Variants in NUP50 observed in about 807,000 individuals in gnomAD.
The protein encoded by NUP50 is nucleoporin 50, also known as nuclear pore complex protein Nup50.
A neutral mutation model predicts 36.8 loss-of-function variants in NUP50; 14 were observed. The ratio of observed to expected loss-of-function variants is 0.38; its 90% confidence interval spans 0.25 to 0.59. The LOEUF is 0.59. Among genes scored for constraint, NUP50 ranks in the 20% least tolerant of loss-of-function variants. The pLI is 0.63. For synonymous variants in NUP50, 195 were observed against 210.8 expected (o/e 0.93, Z 0.65); for missense variants, 455 against 564.6 (o/e 0.81, Z 1.97).
chr22:45,175,452 G>C (rs1207932791), intron 3 of NUP50, among the ~76,000 whole-genome samples: 2 of 152,086 alleles, frequency 1.3e-5, no homozygotes, highest in Non-Finnish European at 2.9e-5. Flanking sequence ...TTAGGCAAAT[G>C]GATATTTTTA....
chr22:45,184,445 G>A lies in NUP50; in HGVS notation c.1205-8G>A, dbSNP rs2074435527. 2 of 1,613,628 alleles carry A rather than the reference G, an allele frequency of 1.2e-6. No homozygotes were observed. The highest frequency in any genetic ancestry group is 2.7e-5 in the African/African-American group (2 of 75,026). On this transcript the variant is annotated splice_polypyrimidine_tract_variant and splice_region_variant and intron_variant, in intron 7 of 7. Coordinates refer to ENST00000347635, the MANE Select transcript of NUP50 (RefSeq NM_007172.4). ...TAATTTTGATGGGTTTTGTTTGTTT[G>A]AATGCAGGCAACATATTGCTGAACG...
At chr22:45,184,104 G>A (rs983611195) in intron 7 of NUP50, 8 of 279,254 alleles carry the variant, frequency 2.9e-5, no homozygotes, top group East Asian at 1.7e-4. Context: ...TCCGTGTGGC[G>A]CAGTGAAGAC....
At chr22:45,165,586 C>G (rs534081492) in intron 1 of NUP50, among the ~76,000 whole-genome samples, 2 of 152,098 alleles carry the variant, frequency 1.3e-5, no homozygotes, top group Admixed American at 1.3e-4. Flanking sequence ...TTTCTCCCCC[C>G]CACTTCTAGC....
rs1482879150 is a variant in NUP50 at position 45,186,444 on chromosome 22, A to G, written c.*1789A>G. On this transcript the variant is annotated 3_prime_UTR_variant, in exon 8 of 8. Coordinates refer to ENST00000347635, the MANE Select transcript of NUP50 (RefSeq NM_007172.4). ...AAAAAGATGAAGAACTAAGGGGAACAAATTTAAGTTTGTTGCAACTTAGCC... is the reference window on the plus strand; with the variant it reads ...AAAAAGATGAAGAACTAAGGGGAACGAATTTAAGTTTGTTGCAACTTAGCC... 6.6e-6 allele frequency: 1 copy of G among 152,234 alleles called. No homozygotes were observed. Among genetic ancestry groups the G allele is most frequent in the Non-Finnish European group, 1.5e-5 (1 of 68,048 alleles). 9.4% of individuals were successfully genotyped at this position (152,234 alleles called of 1,614,324 possible).
In NUP50 at chr22:45,181,293, T is replaced by A. The variant is rs763779974; in HGVS notation, c.1011T>A (p.Asp337Glu). The A allele has an allele frequency of 1.9e-6, 3 of 1,590,410 alleles. No individual in the cohort carries two copies. Among genetic ancestry groups the A allele is most frequent in the Admixed American group, 3.7e-5 (2 of 53,368 alleles). ...TTGTCATTTTTATAAAAGGTGGAGA[T>A]GAAGAAGAGAATGATGAGCCACCCA... ...EGDSGECKGG[D>E]EEENDEPPKV... Residue 337 changes from aspartate (D) to glutamate (E), a missense_variant, in exon 6 of 8, where the codon GAT (aspartate) becomes GAA (glutamate). Transcript: ENST00000347635.
intron 4 of NUP50, among the ~76,000 whole-genome samples, chr22:45,176,521 T>C (rs1288720061): frequency 6.6e-6 from 1 of 152,122 alleles, no homozygotes; most frequent in Non-Finnish European, 1.5e-5. Flanking sequence ...CTAGGTTTGT[T>C]TGGGTATGGG....
intron 3 of NUP50, among the ~76,000 whole-genome samples, chr22:45,174,676 A>ATGAATCAG (rs1300333519): frequency 4.1e-5 from 4 of 97,580 alleles, no homozygotes; most frequent in Non-Finnish European, 6.1e-5. Context: ...TAGTTTGTCC[A>ATGAATCAG]TGAATCATTG....
At chr22:45,176,738 TTTGTTG>T (rs372467830) in intron 4 of NUP50, among the ~76,000 whole-genome samples, 11 of 152,206 alleles carry the variant, frequency 7.2e-5, no homozygotes, top group East Asian at 1.9e-4. Context: ...TCTGTTAAGT[TTTGTTG>T]TTGTTGTTGT....
rs1340268014 is a variant in NUP50, at chr22:45,168,225, T to G, written c.48T>G (p.Asp16Glu). The change falls in exon 2 of 8, where the codon GAT (aspartate) becomes GAG (glutamate). Residue 16 changes from aspartate to glutamate, a missense_variant. Asp to Glu is a conservative substitution (Grantham distance 45). Around this residue, in one of 3 missense-constraint regions of NUP50, gnomAD observed 166 missense variants for 202.8 expected, o/e 0.82. Transcript: ENST00000347635. ...AGGAACTGACAGATAGGAATTGGGA[T>G]CAAGAAGATGAAGCTGAAGAGGTAA... ...AEKELTDRNWDQEDEAEEVGT... is the reference protein window; with the variant it reads ...AEKELTDRNWEQEDEAEEVGT... 1.2e-6 allele frequency: 2 copies of G among 1,611,374 alleles called. No homozygotes were observed. The highest frequency in any genetic ancestry group is 1.7e-6 in the Non-Finnish European group (2 of 1,179,204).
At position 45,178,714 on chromosome 22, in the gene NUP50, T is replaced by C; in HGVS notation, c.817T>C (p.Phe273Leu). The C allele has an allele frequency of 6.2e-7, 1 of 1,613,038 alleles. No individual in the cohort carries two copies. The highest frequency in any genetic ancestry group is 8.5e-7 in the Non-Finnish European group (1 of 1,179,858). Reference protein sequence around the residue: ...SLGATSASFNFGKKVDSSVLG... With the variant: ...SLGATSASFNLGKKVDSSVLG... ...AGGAGCGACAAGTGCCTCATTTAAT[T>C]TCGGCAAGAAAGTTGATAGCTCTGT... is the stretch of plus-strand genomic sequence containing the variant. The change falls in exon 5 of 8, where the codon TTC becomes CTC. Residue 273 changes from phenylalanine (F) to leucine (L), a missense_variant. By Grantham distance (22) the Phe-to-Leu change is conservative. This residue lies in a region of NUP50 where 287 missense variants were observed against 345.5 expected (regional missense o/e 0.83). Transcript: ENST00000347635.
In NUP50 at chr22:45,174,375, C is replaced by G. The variant is rs2074245377; in HGVS notation, c.154-1519C>G. ...GCATTTTTGTAGACAGGGGGTCTCA[C>G]TCTGTTGCCCAGGGTGGTTTCAAAC... On this transcript the variant is annotated intron_variant, in intron 3 of 7. Coordinates refer to ENST00000347635, the MANE Select transcript of NUP50 (RefSeq NM_007172.4). Among the ~76,000 whole-genome samples, 4 of 152,236 alleles carry G rather than the reference C, an allele frequency of 2.6e-5. No individual in the cohort carries two copies. In the South Asian group the frequency reaches 8.3e-4, roughly 32 times the overall value.
intron 4 of NUP50, 52 bp downstream of exon 4, chr22:45,176,132 T>C (rs771522116): frequency 6.4e-7 from 1 of 1,560,190 alleles, no homozygotes; most frequent in Non-Finnish European, 8.7e-7. Context: ...CTATGGAAAA[T>C]AGCTTTACAA....
intron 1 of NUP50, among the ~76,000 whole-genome samples, chr22:45,166,839 T>C (rs1361251870): frequency 1.3e-5 from 2 of 152,074 alleles, no homozygotes; most frequent in Admixed American, 6.5e-5. Flanking sequence ...ATGGAAAGTG[T>C]ATTTATTTCT....
intron 3 of NUP50, among the ~76,000 whole-genome samples, chr22:45,174,364 A>G (rs572044395): frequency 2.0e-4 from 30 of 152,018 alleles, no homozygotes; most frequent in Non-Finnish European, 3.8e-4. Context: ...TTTTGTAGAC[A>G]GGGGGTCTCA....
chr22:45,175,176 CA>C (rs534534850), intron 3 of NUP50, among the ~76,000 whole-genome samples: 48 of 152,226 alleles, frequency 3.2e-4, no homozygotes, highest in African/African-American at 1.1e-3. Context: ...CCAAAAGTTC[CA>C]GGGGCAGAGA....
intron 1 of NUP50, chr22:45,166,000 C>T (rs1263984912): frequency 6.6e-5 from 10 of 152,212 alleles, no homozygotes; most frequent in African/African-American, 2.4e-4. Flanking sequence ...ACTTCCCCAG[C>T]TCACTGATCT....
intron 2 of NUP50, among the ~76,000 whole-genome samples, chr22:45,169,410 G>A (rs1049733223): frequency 6.6e-6 from 1 of 152,088 alleles, no homozygotes; most frequent in Non-Finnish European, 1.5e-5. Context: ...ATAGGATGTG[G>A]GCGAAGGATT....
At chr22:45,179,839 G>A (rs2074337911) in intron 5 of NUP50, among the ~76,000 whole-genome samples, 1 of 152,178 alleles carries the variant, frequency 6.6e-6, no homozygotes, top group South Asian at 2.1e-4. Flanking sequence ...AGCCGTGGTT[G>A]CATCACTGCA....
At chr22:45,168,088 A>C in intron 1 of NUP50, 80 bp from the exon 2 acceptor site, 1 of 1,057,030 alleles carries the variant, frequency 9.5e-7, no homozygotes, top group South Asian at 1.4e-5. Flanking sequence ...ATCTCACTTC[A>C]TGCTAGAGTG....
Sources: gnomAD v4.1 joint callset for allele counts (sites outside exome capture counted in the v4.1 genomes callset) on GRCh38, gnomAD v4.1.1 for gene constraint, gnomAD v4.1.1 regional missense constraint, MANE v1.5 for transcripts, NCBI Gene and HGNC (gene_info 2026-07-23, HGNC 2026-07-21) for gene names.